Variants in TMEM92 observed in about 807,000 individuals in gnomAD.
TMEM92 encodes the protein transmembrane protein 92.
Under a neutral mutation model 14.6 loss-of-function variants are expected in TMEM92, and 15 were observed. The ratio of observed to expected loss-of-function variants is 1.03; its 90% CI spans 0.69 to 1.58. The LOEUF is 1.58. Among genes scored for constraint, TMEM92 ranks in the 40% most tolerant of loss-of-function variants. The pLI, the probability that TMEM92 is intolerant of heterozygous loss-of-function variation, is 0.00. For synonymous variants in TMEM92, 85 were observed against 83.3 expected, an observed-to-expected ratio of 1.02 and a Z score of -0.11; for missense variants, 174 against 202.4, an observed-to-expected ratio of 0.86 and a Z score of 0.85.
intron 1 of TMEM92, chr17:50,274,924 C>A (rs1910377181): frequency 3.7e-6 from 1 of 272,818 alleles, no homozygotes; most frequent in Non-Finnish European, 7.0e-6. Context: ...CCTGGGCCAG[C>A]ACTTAGCCCC....
chr17:50,274,320 A>C, upstream of TMEM92: 1 of 621,386 alleles, frequency 1.6e-6, no homozygotes, highest in East Asian at 2.9e-5. Context: ...CCCAAAACCC[A>C]ACCCAGACCT....
rs1050166123 is a variant in TMEM92 at position 50,274,702 on chromosome 17, TTC to T, written c.69+138_69+139del. ...GACCACACACAGTTAGCTACTTCCT[TTC>T]TCTCTTTGCTGTGGAGGTGGAGGTG... On this transcript the variant is annotated intron_variant, in intron 1 of 4. Coordinates refer to ENST00000507382, the MANE Select transcript of TMEM92 (RefSeq NM_153229.3). 9.8e-6 allele frequency: 8 copies of T among 814,906 alleles called. No individual in the cohort carries two copies. In the African/African-American group the frequency reaches 1.2e-4, roughly 12 times the overall value. The allele number at this position is 814,906 out of a possible 1,614,324, so 50.5% of individuals were successfully genotyped here. A position where few individuals can be genotyped will look rare whatever the true frequency, so the allele number is the denominator to read the frequency against.
intron 1 of TMEM92, among the ~76,000 whole-genome samples, chr17:50,275,989 G>C (rs181273652): frequency 1.6e-3 from 248 of 152,204 alleles, no homozygotes; most frequent in Non-Finnish European, 3.0e-3. Context: ...AAATTAGCCA[G>C]GCATGGTGGC....
intron 1 of TMEM92, among the ~76,000 whole-genome samples, chr17:50,276,075 G>A (rs907596989): frequency 2.0e-5 from 3 of 151,864 alleles, no homozygotes; most frequent in Non-Finnish European, 4.4e-5. Flanking sequence ...AGGTTGCAGT[G>A]AGCCGAGATC....
At chr17:50,278,163 C>T (rs1422748421) in intron 2 of TMEM92, among the ~76,000 whole-genome samples, 1 of 152,192 alleles carries the variant, frequency 6.6e-6, no homozygotes, top group Admixed American at 6.5e-5. Flanking sequence ...TCTGACCCCT[C>T]ATACTCCATG....
At chr17:50,278,673 G>T (rs753760861) in intron 3 of TMEM92, 43 bp downstream of exon 3, 20 of 1,603,860 alleles carry the variant, frequency 1.2e-5, no homozygotes, top group Non-Finnish European at 1.7e-5. Flanking sequence ...CCTTGGAGGG[G>T]CCTGGTCCTG....
chr17:50,272,948 CAG>C (rs1478499707), upstream of TMEM92, among the ~76,000 whole-genome samples: 5 of 152,004 alleles, frequency 3.3e-5, no homozygotes, highest in Non-Finnish European at 5.9e-5. Context: ...AACAGAAAAA[CAG>C]AGGCTGGGAG....
chr17:50,277,611 G>A (rs1910468083), intron 1 of TMEM92, 104 bp from the exon 2 acceptor site: 2 of 1,363,682 alleles, frequency 1.5e-6, no homozygotes, highest in Non-Finnish European at 2.1e-6. Flanking sequence ...AGTCTACTGG[G>A]GACCTGCTGC....
At chr17:50,274,267 A>T (rs1177527900), upstream of TMEM92, among the ~76,000 whole-genome samples, 1 of 151,996 alleles carries the variant, frequency 6.6e-6, no homozygotes, top group South Asian at 2.1e-4. Flanking sequence ...CGCGCCCGGG[A>T]CCGCTTTTTT....
Position 50,274,684 on chromosome 17 carries a change from C to T in TMEM92, c.69+114C>T. The stretch of plus-strand genomic sequence containing the variant: ...GAATCAGGATTTCCTCCTGACCACA[C>T]ACAGTTAGCTACTTCCTTTCTCTCT... On this transcript the variant is annotated intron_variant, in intron 1 of 4. Transcript: ENST00000507382. The T allele has an allele frequency of 7.7e-6, 7 of 914,026 alleles. No individual in the cohort carries two copies. The South Asian group carries it at 9.4e-5, about 12-fold the overall frequency. 56.6% of individuals were successfully genotyped at this position (914,026 alleles called of 1,614,324 possible).
intron 2 of TMEM92, 73 bp downstream of exon 2, chr17:50,277,813 G>C (rs771726948): frequency 1.3e-6 from 2 of 1,581,880 alleles, no homozygotes; most frequent in Non-Finnish European, 1.7e-6. Context: ...TGCATGCCTT[G>C]GGGGGTGTGG....
intron 1 of TMEM92, chr17:50,274,937 C>T (rs1910377730): frequency 4.1e-6 from 1 of 246,296 alleles, no homozygotes; most frequent in Non-Finnish European, 7.9e-6. Context: ...TTAGCCCCAG[C>T]TCAGTTCCTC....
chr17:50,272,476 C>T (rs889508892), upstream of TMEM92, among the ~76,000 whole-genome samples: 3 of 152,132 alleles, frequency 2.0e-5, no homozygotes, highest in African/African-American at 7.2e-5. Context: ...AGAACCCTGG[C>T]AGCCCAAGTT....
chr17:50,272,734 G>A (rs1910288741), upstream of TMEM92, among the ~76,000 whole-genome samples: 2 of 152,184 alleles, frequency 1.3e-5, no homozygotes, highest in Non-Finnish European at 2.9e-5. Flanking sequence ...AGAGAGCAGG[G>A]AGACAGCATA....
rs1479941887 is a variant in TMEM92, at chr17:50,280,821, A to C, written c.*1513A>C. On this transcript the variant is annotated 3_prime_UTR_variant, in exon 5 of 5. Coordinates refer to ENST00000507382, the MANE Select transcript of TMEM92 (RefSeq NM_153229.3). ...GATAGGGCCCTGGAAGGAGTGCAGC[A>C]GTTACTGACAATATAGTGCCAGGGT... 6.6e-6 allele frequency: 1 copy of C among 152,302 alleles called. No individual in the cohort carries two copies. Among genetic ancestry groups the C allele is most frequent in the Non-Finnish European group, 1.5e-5 (1 of 68,080 alleles). The allele number at this position is 152,302 out of a possible 1,614,324, so 9.4% of individuals were successfully genotyped here.
upstream of TMEM92, among the ~76,000 whole-genome samples, chr17:50,273,308 C>G (rs1910314229): frequency 6.6e-6 from 1 of 152,122 alleles, no homozygotes; most frequent in Non-Finnish European, 1.5e-5. Context: ...GGGGCACCCG[C>G]GCTGGGCGAC....
At chr17:50,277,798 T>G in intron 2 of TMEM92, 58 bp downstream of exon 2, 1 of 1,604,484 alleles carries the variant, frequency 6.2e-7, no homozygotes, top group Non-Finnish European at 8.5e-7. Flanking sequence ...ACCTAAATCA[T>G]GCCCTGCATG....
In TMEM92 at chr17:50,279,623, C is replaced by T; in HGVS notation, c.*315C>T. 3.0e-6 allele frequency: 1 copy of T among 337,612 alleles called. No individual in the cohort carries two copies. Among genetic ancestry groups the T allele is most frequent in the South Asian group, 2.6e-5 (1 of 38,068 alleles). 20.9% of individuals were successfully genotyped at this position (337,612 alleles called of 1,614,324 possible). On this transcript the variant is annotated 3_prime_UTR_variant, in exon 5 of 5. Coordinates refer to ENST00000507382, the MANE Select transcript of TMEM92 (RefSeq NM_153229.3). The stretch of plus-strand genomic sequence containing the variant: ...GTGAGGGGTAGTAAGAGCCCCATTT[C>T]TGGAGGTATGCAAATCTTGACTGGA...
chr17:50,271,792 A>C (rs182401615), upstream of TMEM92, among the ~76,000 whole-genome samples: 7 of 152,258 alleles, frequency 4.6e-5, no homozygotes, highest in East Asian at 1.4e-3. Context: ...TAATCCCAAC[A>C]CTTTGGGAGG....
Sources: allele counts gnomAD v4.1 joint callset (sites outside exome capture counted in the v4.1 genomes callset), GRCh38; gene constraint gnomAD v4.1.1; transcripts MANE v1.5; gene names NCBI Gene and HGNC (gene_info 2026-07-23, HGNC 2026-07-21).